PGD: variants seen among roughly 807,000 people sequenced by gnomAD.
PGD encodes 6-phosphogluconate dehydrogenase, decarboxylating.
In PGD, 21 loss-of-function variants were observed where a neutral mutation model predicts 60.4. The ratio of observed to expected loss-of-function variants is 0.35; its 90% confidence interval spans 0.25 to 0.50. The LOEUF is 0.50. PGD is among the 20% of genes least tolerant of loss of function. PGD has a pLI of 0.98. For synonymous variants in PGD, 230 were observed against 235.9 expected (o/e 0.97, Z 0.23); for missense variants, 477 against 613.1 (o/e 0.78, Z 2.34).
chr1:10,404,094 A>T, intron 4 of PGD, 67 bp from the exon 5 acceptor site: 1 of 1,068,288 alleles, frequency 9.4e-7, no homozygotes, highest in African/African-American at 1.9e-5. Context: ...ATTTTTGGGT[A>T]GCATAATGAA....
At chr1:10,415,869 C>A (rs984723380) in intron 8 of PGD, among the ~76,000 whole-genome samples, 3 of 152,158 alleles carry the variant, frequency 2.0e-5, no homozygotes, top group African/African-American at 7.2e-5. Context: ...TAAAATACTA[C>A]ATTGACTTTT....
rs1639500902 is a variant in PGD, at chr1:10,411,551, A to G, written c.653A>G (p.Gln218Arg). ...GGCATGGCGCAGGACGAGATGGCCCAGGTGAGGCCCCGGCACTGCCTCTGT... is the reference window on the plus strand; with the variant it reads ...GGCATGGCGCAGGACGAGATGGCCCGGGTGAGGCCCCGGCACTGCCTCTGT... ...VLGMAQDEMA[Q>R]AFEDWNKTEL... Residue 218 changes from glutamine to arginine, a missense_variant and splice_region_variant, in exon 7 of 13, where the codon CAG becomes CGG. By Grantham distance (43) the Gln-to-Arg change is conservative. Coordinates refer to ENST00000270776, the MANE Select transcript of PGD (RefSeq NM_002631.4). 6.2e-7 allele frequency: 1 copy of G among 1,614,026 alleles called. No individual in the cohort carries two copies. The highest frequency in any genetic ancestry group is 1.3e-5 in the African/African-American group (1 of 74,930).
Position 10,416,999 on chromosome 1 carries a change from T to G in PGD, c.857T>G (p.Phe286Cys). The G allele has an allele frequency of 6.2e-7, 1 of 1,613,632 alleles. No homozygotes were observed. The highest frequency in any genetic ancestry group is 8.5e-7 in the Non-Finnish European group (1 of 1,179,606). ...TCTCCCCATGTAGGAGAAGCTGTCT[T>G]TGCTCGGTGCTTATCATCTCTGAAG... The part of the protein sequence containing the change: ...VPVTLIGEAV[F>C]ARCLSSLKDE... The change falls in exon 9 of 13, where the codon TTT (phenylalanine) becomes TGT (cysteine). Residue 286 changes from phenylalanine (F) to cysteine (C), a missense_variant. Phe to Cys is a radical substitution (Grantham distance 205, BLOSUM62 -2). Around this residue, in one of 3 missense-constraint regions of PGD, gnomAD observed 431 missense variants for 556.6 expected, o/e 0.77. Transcript: ENST00000270776.
Position 10,408,065 on chromosome 1 carries a change from A to C in PGD, c.450-6A>C, listed in dbSNP as rs1639437538. On this transcript the variant is annotated splice_polypyrimidine_tract_variant and splice_region_variant and intron_variant, in intron 5 of 12. Coordinates refer to ENST00000270776, the MANE Select transcript of PGD (RefSeq NM_002631.4). The stretch of plus-strand genomic sequence containing the variant: ...ATTAACTGAACCACACTGTTTCTTT[A>C]CACAGGCCCCACATCAAGACCATCT... The C allele has an allele frequency of 6.3e-7, 1 of 1,583,890 alleles. No homozygotes were observed. The highest frequency in any genetic ancestry group is 8.7e-7 in the Non-Finnish European group (1 of 1,152,354).
chr1:10,415,090 A>G (rs1339763001), intron 8 of PGD, among the ~76,000 whole-genome samples: 1 of 65,412 alleles, frequency 1.5e-5, no homozygotes. Flanking sequence ...GACTCCGCCT[A>G]AAAAAAAAAA....
chr1:10,399,904 G>C lies in PGD; in HGVS notation c.84+200G>C, dbSNP rs886341103. The C allele has an allele frequency of 5.0e-6, 3 of 603,646 alleles. No individual in the cohort carries two copies. The Admixed American group carries it at 8.4e-5, about 17-fold the overall frequency. The allele number at this position is 603,646 out of a possible 1,614,324, so 37.4% of individuals were successfully genotyped here. ...TCCCGAACTTAGTCCTGCGGAGTGTGCCTGTGGGTCCGTGAGGTTCACAGC... is the reference window on the plus strand; with the variant it reads ...TCCCGAACTTAGTCCTGCGGAGTGTCCCTGTGGGTCCGTGAGGTTCACAGC... On this transcript the variant is annotated intron_variant, in intron 2 of 12. Transcript: ENST00000270776.
chr1:10,412,047 C>T (rs1286232258), intron 7 of PGD, among the ~76,000 whole-genome samples: 12 of 152,238 alleles, frequency 7.9e-5, no homozygotes, highest in Admixed American at 3.9e-4. Flanking sequence ...TTTCTCCCAT[C>T]CACAGGTTCC....
At chr1:10,409,066 G>T (rs1021364079) in intron 6 of PGD, among the ~76,000 whole-genome samples, 2 of 152,164 alleles carry the variant, frequency 1.3e-5, no homozygotes, top group African/African-American at 4.8e-5. Flanking sequence ...ATGGACTTCA[G>T]TTTCCTTATC....
chr1:10,413,332 T>C (rs2124207249), intron 8 of PGD, 81 bp downstream of exon 8: 1 of 1,268,020 alleles, frequency 7.9e-7, no homozygotes, highest in South Asian at 1.3e-5. Context: ...GACTGGTCTT[T>C]AGAGAATCTC....
intron 8 of PGD, among the ~76,000 whole-genome samples, chr1:10,413,522 A>G (rs1458530995): frequency 1.3e-5 from 2 of 152,166 alleles, no homozygotes. Context: ...TCTTTGGAAT[A>G]TTTTAGCATT....
rs755713587 is a variant in PGD at position 10,399,692 on chromosome 1, C to T, written c.72C>T (p.Asp24=). 1 of 1,614,074 alleles carries T rather than the reference C, an allele frequency of 6.2e-7. No individual in the cohort carries two copies. Among genetic ancestry groups the T allele is most frequent in the Non-Finnish European group, 8.5e-7 (1 of 1,179,930 alleles). The change falls in exon 2 of 13, where the codon GAC becomes GAT. Residue 24 remains aspartate, a synonymous_variant. Coordinates refer to ENST00000270776, the MANE Select transcript of PGD (RefSeq NM_002631.4). ...AGAACTTAATTCTGAACATGAATGACCACGGCTTTGTGGTAAGCGGCGTGG... is the reference window on the plus strand; with the variant it reads ...AGAACTTAATTCTGAACATGAATGATCACGGCTTTGTGGTAAGCGGCGTGG... ...MGQNLILNMN[D]HGFVVCAFNR... is the part of the protein sequence containing the mutation.
At chr1:10,403,177 C>T in intron 4 of PGD, 41 bp downstream of exon 4, 1 of 1,415,484 alleles carries the variant, frequency 7.1e-7, no homozygotes, top group East Asian at 2.3e-5. Context: ...GTTCCGAGAA[C>T]ATTCTAGAAA....
At chr1:10,399,936 G>C (rs1639287347) in intron 2 of PGD, 1 of 587,510 alleles carries the variant, frequency 1.7e-6, no homozygotes. Flanking sequence ...CAGCCCGAAT[G>C]AACGAATTAG....
At chr1:10,414,478 G>C (rs58801630) in intron 8 of PGD, among the ~76,000 whole-genome samples, 1 of 151,922 alleles carries the variant, frequency 6.6e-6, no homozygotes, top group African/African-American at 2.4e-5. Context: ...GGGTTCAAGT[G>C]ATTCTCCTGC....
intron 6 of PGD, 85 bp downstream of exon 6, chr1:10,408,225 C>T (rs1183474545): frequency 2.5e-5 from 20 of 798,840 alleles, no homozygotes; most frequent in Non-Finnish European, 3.6e-5. Flanking sequence ...CCACCGTGGT[C>T]TCCCAGGGGT....
rs1569963347 is a variant in PGD, at chr1:10,399,140, A to C, written c.8+15A>C. 1.1e-5 allele frequency: 17 copies of C among 1,608,646 alleles called. No individual in the cohort carries two copies. Among genetic ancestry groups the C allele is most frequent in the Non-Finnish European group, 1.4e-5 (17 of 1,179,480 alleles). On this transcript the variant is annotated intron_variant, in intron 1 of 12. Transcript: ENST00000270776. The stretch of plus-strand genomic sequence containing the variant: ...GCCATGGCCCAGTGAGTGACTCGCC[A>C]GGGGCAGCCCGGCTCGGCCTCAGCG...
intron 4 of PGD, among the ~76,000 whole-genome samples, chr1:10,403,575 A>C (rs1415463435): frequency 7.4e-6 from 1 of 135,314 alleles, no homozygotes; most frequent in Non-Finnish European, 1.5e-5. Context: ...TGGGCGACAG[A>C]GTGAAACTCC....
intron 8 of PGD, chr1:10,415,419 C>T (rs1639579355): frequency 6.6e-6 from 1 of 152,204 alleles, no homozygotes; most frequent in African/African-American, 2.4e-5. Flanking sequence ...CAGAATCCTA[C>T]TCTCCTCCTG....
chr1:10,411,381 T>G, intron 6 of PGD, 37 bp from the exon 7 acceptor site: 1 of 1,610,804 alleles, frequency 6.2e-7, no homozygotes, highest in Non-Finnish European at 8.5e-7. Flanking sequence ...TGTCGCCTGT[T>G]TCTCTGAAGG....
Sources: gnomAD v4.1 joint callset for allele counts (sites outside exome capture counted in the v4.1 genomes callset) on GRCh38, gnomAD v4.1.1 for gene constraint, gnomAD v4.1.1 regional missense constraint, MANE v1.5 for transcripts, NCBI Gene and HGNC (gene_info 2026-07-23, HGNC 2026-07-21) for gene names.